Variants in TAB2 observed in about 807,000 individuals in gnomAD.
TAB2 encodes TGF-beta activated kinase 1 (MAP3K7) binding protein 2.
Under a neutral mutation model 65.0 loss-of-function variants are expected in TAB2, and 3 were observed. The observed-to-expected ratio is 0.05, with a 90% CI of 0.02 to 0.12. The LOEUF (loss-of-function observed/expected upper bound fraction) is 0.12. TAB2 is among the 10% of genes least tolerant of loss of function. The pLI, the probability that TAB2 is intolerant of heterozygous loss-of-function variation, is 1.00. For missense variants in TAB2, 623 were observed against 840.3 expected (o/e 0.74, Z 3.20); for synonymous variants, 298 against 285.1 (o/e 1.05, Z -0.46).
intron 2 of TAB2, among the ~76,000 whole-genome samples, chr6:149,377,677 T>G (rs17085985): frequency 0.05 from 7,570 of 152,302 alleles, 647 homozygotes; most frequent in African/African-American, 0.17. Flanking sequence ...TATACTTAAG[T>G]TGAATGATTA....
rs1190846200 is a variant in TAB2, at chr6:149,411,589, T to C, written c.*1870T>C. The C allele has an allele frequency of 6.5e-6, 1 of 153,644 alleles. No individual in the cohort carries two copies. The highest frequency in any genetic ancestry group is 1.5e-5 in the Non-Finnish European group (1 of 68,028). 9.5% of individuals were successfully genotyped at this position (153,644 alleles called of 1,614,324 possible). The stretch of plus-strand genomic sequence containing the variant: ...TAACAGATAAGTTATTTATAAAAAT[T>C]AAAAAACTTATATTCTAATGTGGAT... On this transcript the variant is annotated 3_prime_UTR_variant, in exon 7 of 7. Coordinates refer to ENST00000637181, the MANE Select transcript of TAB2 (RefSeq NM_001292034.3).
At chr6:149,389,645 CAAAAAAAAA>C (rs370622661) in intron 3 of TAB2, among the ~76,000 whole-genome samples, 1 of 86,896 alleles carries the variant, frequency 1.2e-5, no homozygotes, top group East Asian at 4.1e-4. Context: ...AACTCTGTGT[CAAAAAAAAA>C]AAAAAAAAAA....
rs557251655 is a variant in TAB2, at chr6:149,399,537, C to A, written c.1939+353C>A. ...AAGATACCTTAGGGAAGTTCCCCCC[C>A]CCCATGAGTATTTAGTTTAATTTAT... On this transcript the variant is annotated intron_variant, in intron 6 of 6. Coordinates refer to ENST00000637181, the MANE Select transcript of TAB2 (RefSeq NM_001292034.3). Among the ~76,000 whole-genome samples, 135 of 151,810 alleles carry A rather than the reference C, an allele frequency of 8.9e-4. 1 individual carries two copies. Among genetic ancestry groups the A allele is most frequent in the Admixed American group, 3.5e-3 (53 of 15,248 alleles).
intron 1 of TAB2, among the ~76,000 whole-genome samples, chr6:149,331,522 A>G (rs563555065): frequency 1.3e-5 from 2 of 152,082 alleles, no homozygotes; most frequent in Admixed American, 6.6e-5. Context: ...TTTCTTCCCA[A>G]TCTGTATGCT....
At chr6:149,380,551 C>T (rs1289647919) in intron 3 of TAB2, among the ~76,000 whole-genome samples, 2 of 151,986 alleles carry the variant, frequency 1.3e-5, no homozygotes, top group African/African-American at 2.4e-5. Context: ...TTTATCTAAC[C>T]TCTTAAGTTA....
chr6:149,399,563 A>G (rs1782298540), intron 6 of TAB2, among the ~76,000 whole-genome samples: 1 of 149,184 alleles, frequency 6.7e-6, no homozygotes, highest in African/African-American at 2.4e-5. Context: ...TTTAATTTAT[A>G]TATAACTTTA....
intron 3 of TAB2, among the ~76,000 whole-genome samples, chr6:149,386,538 A>G (rs576623680): frequency 6.6e-6 from 1 of 152,318 alleles, no homozygotes; most frequent in Admixed American, 6.5e-5. Flanking sequence ...GTGATATAAA[A>G]TGGAATCTGA....
At chr6:149,365,132 A>C (rs1780997814) in intron 1 of TAB2, among the ~76,000 whole-genome samples, 1 of 152,184 alleles carries the variant, frequency 6.6e-6, no homozygotes, top group South Asian at 2.1e-4. Flanking sequence ...ATTGCTGCAA[A>C]CATTTCATAA....
At chr6:149,360,420 C>T (rs549836467) in intron 1 of TAB2, among the ~76,000 whole-genome samples, 2 of 152,184 alleles carry the variant, frequency 1.3e-5, no homozygotes, top group African/African-American at 2.4e-5. Context: ...ATGGCAAGAG[C>T]GGAAGCAAGG....
intron 1 of TAB2, among the ~76,000 whole-genome samples, chr6:149,351,667 G>A (rs895575324): frequency 6.6e-6 from 1 of 152,168 alleles, no homozygotes; most frequent in East Asian, 1.9e-4. Context: ...CTGAGGCACA[G>A]AAAAATTAAA....
Position 149,382,337 on chromosome 6 carries a change from C to G in TAB2, c.1603+2819C>G, listed in dbSNP as rs1195807184. Among the ~76,000 whole-genome samples, 3 of 152,312 alleles carry G rather than the reference C, an allele frequency of 2.0e-5. No individual in the cohort carries two copies. The East Asian group carries it at 5.8e-4, about 29-fold the overall frequency. On this transcript the variant is annotated intron_variant, in intron 3 of 6. Coordinates refer to ENST00000637181, the MANE Select transcript of TAB2 (RefSeq NM_001292034.3). ...TAGAGGCTGGGCACGGTGGCTCACG[C>G]CTGTAGTCCCAGCACTTTGGGAGGC...
At chr6:149,251,799 A>G (rs1777868584) in intron 1 of TAB2, among the ~76,000 whole-genome samples, 2 of 152,238 alleles carry the variant, frequency 1.3e-5, no homozygotes, top group African/African-American at 2.4e-5. Context: ...AACATGTACC[A>G]TATTTAAAAT....
chr6:149,404,594 A>G (rs1782599678), intron 6 of TAB2, among the ~76,000 whole-genome samples: 1 of 152,198 alleles, frequency 6.6e-6, no homozygotes, highest in African/African-American at 2.4e-5. Flanking sequence ...ATATTGACCA[A>G]TGGAACAGAA....
At chr6:149,330,733 T>G (rs1206993938) in intron 1 of TAB2, among the ~76,000 whole-genome samples, 1 of 152,200 alleles carries the variant, frequency 6.6e-6, no homozygotes, top group Non-Finnish European at 1.5e-5. Flanking sequence ...GTGGCATGTC[T>G]TTATAGTCTC....
At chr6:149,365,903 C>T (rs1781024164) in intron 1 of TAB2, among the ~76,000 whole-genome samples, 1 of 152,060 alleles carries the variant, frequency 6.6e-6, no homozygotes, top group African/African-American at 2.4e-5. Flanking sequence ...TAAGTCTACC[C>T]AGTGAATTTT....
chr6:149,349,419 CAAAAA>C (rs369838005), intron 1 of TAB2, among the ~76,000 whole-genome samples: 1 of 81,914 alleles, frequency 1.2e-5, no homozygotes, highest in African/African-American at 4.9e-5. Context: ...CACTCCGTCT[CAAAAA>C]AAAAAAAAAA....
chr6:149,292,280 T>G (rs141913250), intron 1 of TAB2, among the ~76,000 whole-genome samples: 3 of 152,210 alleles, frequency 2.0e-5, no homozygotes, highest in Non-Finnish European at 4.4e-5. Context: ...CAACAAAAAC[T>G]GACTCCCCTC....
chr6:149,295,378 G>A (rs1378440998), intron 1 of TAB2, among the ~76,000 whole-genome samples: 3 of 152,046 alleles, frequency 2.0e-5, no homozygotes, highest in African/African-American at 7.2e-5. Context: ...AATTTACCCG[G>A]TTTGAGATTT....
chr6:149,221,759 A>G (rs1171401169), intron 1 of TAB2, among the ~76,000 whole-genome samples: 1 of 152,200 alleles, frequency 6.6e-6, no homozygotes, highest in Non-Finnish European at 1.5e-5. Flanking sequence ...CTAGATAATC[A>G]GTCCTGGAAT....
Sources: allele counts gnomAD v4.1 joint callset (sites outside exome capture counted in the v4.1 genomes callset), GRCh38; gene constraint gnomAD v4.1.1; transcripts MANE v1.5; gene names NCBI Gene and HGNC (gene_info 2026-07-23, HGNC 2026-07-21).